Variants in AFF3 observed in about 807,000 individuals in gnomAD.
The protein encoded by AFF3 is AF4/FMR2 family member 3.
Under a neutral mutation model 129.7 loss-of-function variants are expected in AFF3, and 32 were observed. That is an observed-to-expected ratio of 0.25 (90% CI 0.19 to 0.33). The LOEUF (loss-of-function observed/expected upper bound fraction) is 0.33. Among genes scored for constraint, AFF3 ranks in the 10% least tolerant of loss-of-function variants. The pLI is 1.00. For synonymous variants in AFF3, 644 were observed against 635.4 expected, an observed-to-expected ratio of 1.01 and a Z score of -0.20; for missense variants, 1,373 against 1,592.0, an observed-to-expected ratio of 0.86 and a Z score of 2.34.
chr2:99,611,613 C>T (rs767020567), intron 13 of AFF3, among the ~76,000 whole-genome samples: 33 of 152,032 alleles, frequency 2.2e-4, no homozygotes, highest in African/African-American at 5.8e-4. Context: ...AAGTTTCCCA[C>T]GGTGGCTCAC....
At chr2:99,797,395 GAA>G (rs1685626248) in intron 8 of AFF3, among the ~76,000 whole-genome samples, 1 of 152,036 alleles carries the variant, frequency 6.6e-6, no homozygotes, top group Non-Finnish European at 1.5e-5. Context: ...TACACAAAAT[GAA>G]ATACAGAGAG....
chr2:100,113,598 C>T (rs903814512), intron 2 of AFF3, among the ~76,000 whole-genome samples: 1 of 152,110 alleles, frequency 6.6e-6, no homozygotes, highest in Non-Finnish European at 1.5e-5. Flanking sequence ...GAACAAACGC[C>T]GTGTACTATA....
intron 11 of AFF3, among the ~76,000 whole-genome samples, chr2:99,695,964 AAAG>A (rs1166497843): frequency 1.6e-5 from 2 of 121,524 alleles, no homozygotes; most frequent in African/African-American, 3.7e-5. Context: ...AAAAAAACCA[AAAG>A]AAAAAACCAA....
chr2:99,704,783 A>G (rs2104812425), intron 11 of AFF3, among the ~76,000 whole-genome samples: 1 of 152,212 alleles, frequency 6.6e-6, no homozygotes, highest in South Asian at 2.1e-4. Context: ...CATATAACAC[A>G]CCCTCATTCA....
intron 11 of AFF3, among the ~76,000 whole-genome samples, chr2:99,681,807 T>C (rs1051956504): frequency 1.3e-5 from 2 of 149,178 alleles, no homozygotes; most frequent in Non-Finnish European, 2.9e-5. Context: ...TACTTTAGCC[T>C]GAGGTATTTT....
intron 4 of AFF3, among the ~76,000 whole-genome samples, chr2:100,095,631 C>T (rs1163164074): frequency 6.6e-6 from 1 of 152,212 alleles, no homozygotes; most frequent in African/African-American, 2.4e-5. Context: ...TTGTCAGTAG[C>T]AGTCTTCAAT....
At chr2:99,706,540 G>A (rs1277140721) in intron 11 of AFF3, among the ~76,000 whole-genome samples, 1 of 152,094 alleles carries the variant, frequency 6.6e-6, no homozygotes, top group Non-Finnish European at 1.5e-5. Context: ...TTAATGTAAA[G>A]TATACAAAAT....
At chr2:100,112,769 G>A (rs1420077196) in intron 2 of AFF3, among the ~76,000 whole-genome samples, 2 of 152,170 alleles carry the variant, frequency 1.3e-5, no homozygotes, top group African/African-American at 2.4e-5. Context: ...AGGAAAGTGA[G>A]TGAAGGAAGG....
At chr2:99,837,720 C>G (rs1412162142) in intron 7 of AFF3, among the ~76,000 whole-genome samples, 196 bp from the exon 8 acceptor site, 1 of 152,090 alleles carries the variant, frequency 6.6e-6, no homozygotes, top group Non-Finnish European at 1.5e-5. Context: ...GCTCCCCCTT[C>G]TCTGGCTGGA....
intron 4 of AFF3, among the ~76,000 whole-genome samples, chr2:100,104,097 T>C (rs540648327): frequency 6.6e-6 from 1 of 151,684 alleles, no homozygotes; most frequent in Non-Finnish European, 1.5e-5. Context: ...AGTGACACAG[T>C]CTTCAAATCG....
At chr2:99,909,227 A>G (rs1057157986) in intron 7 of AFF3, among the ~76,000 whole-genome samples, 2 of 151,676 alleles carry the variant, frequency 1.3e-5, no homozygotes, top group Non-Finnish European at 2.9e-5. Context: ...TCAGCAAACT[A>G]TCGCAAGGAC....
chr2:99,906,457 A>G (rs1436028878), intron 7 of AFF3, among the ~76,000 whole-genome samples: 1 of 152,178 alleles, frequency 6.6e-6, no homozygotes, highest in Non-Finnish European at 1.5e-5. Flanking sequence ...TATGTCAATG[A>G]GGCAAGACCT....
At chr2:100,090,319 T>TA (rs1355274141) in intron 4 of AFF3, among the ~76,000 whole-genome samples, 1 of 152,122 alleles carries the variant, frequency 6.6e-6, no homozygotes, top group Non-Finnish European at 1.5e-5. Flanking sequence ...ATTTAGGTGT[T>TA]ATGGTAGATT....
Position 99,545,713 on chromosome 2 carries a change from A to T in AFF3, c.*5761T>A, listed in dbSNP as rs1271415889. On this transcript the variant is annotated 3_prime_UTR_variant, in exon 25 of 25. Transcript: ENST00000672756. ...ATTGGCTGTAAGAGGTGGATTTTCA[A>T]AGTAACACACAGAGATTTAATCCCT... is the stretch of plus-strand genomic sequence containing the variant. The T allele has an allele frequency of 5.9e-6, 1 of 168,470 alleles. No homozygotes were observed. Among genetic ancestry groups the T allele is most frequent in the East Asian group, 1.2e-4 (1 of 8,582 alleles). The allele number at this position is 168,470 out of a possible 1,614,324, so 10.4% of individuals were successfully genotyped here.
At chr2:100,090,566 C>T (rs1045033715) in intron 4 of AFF3, among the ~76,000 whole-genome samples, 1 of 152,178 alleles carries the variant, frequency 6.6e-6, no homozygotes, top group Non-Finnish European at 1.5e-5. Flanking sequence ...AGCTTGAACA[C>T]AATATACTAT....
At chr2:99,911,274 G>A (rs768140043) in intron 7 of AFF3, among the ~76,000 whole-genome samples, 6 of 152,058 alleles carry the variant, frequency 3.9e-5, no homozygotes, top group Non-Finnish European at 7.4e-5. Flanking sequence ...TGTAATCCCA[G>A]CTACTCAGGA....
chr2:100,027,226 A>G (rs935960671), intron 4 of AFF3, among the ~76,000 whole-genome samples: 3 of 152,206 alleles, frequency 2.0e-5, no homozygotes, highest in Admixed American at 1.3e-4. Flanking sequence ...AGGCAGGCGA[A>G]AAACAAAAAC....
intron 8 of AFF3, among the ~76,000 whole-genome samples, chr2:99,800,651 T>C (rs1328615840): frequency 6.6e-6 from 1 of 152,226 alleles, no homozygotes; most frequent in Non-Finnish European, 1.5e-5. Context: ...TATGTATAAC[T>C]GCCCCCAAAT....
At chr2:99,606,583 C>T (rs1025082493) in intron 13 of AFF3, among the ~76,000 whole-genome samples, 2 of 151,806 alleles carry the variant, frequency 1.3e-5, no homozygotes, top group Non-Finnish European at 2.9e-5. Flanking sequence ...TTGAATCTTT[C>T]GAGAAGGTTA....
Sources: allele counts gnomAD v4.1 joint callset (sites outside exome capture counted in the v4.1 genomes callset), GRCh38; gene constraint gnomAD v4.1.1; transcripts MANE v1.5; gene names NCBI Gene and HGNC (gene_info 2026-07-23, HGNC 2026-07-21).